COL25A1: variants seen among roughly 807,000 people sequenced by gnomAD.
COL25A1 encodes collagen type XXV alpha 1 chain, also known as collagen alpha-1(XXV) chain.
COL25A1 carries 103 observed loss-of-function variants against 128.4 expected under a neutral mutation model. That is an observed-to-expected ratio of 0.80 (90% CI 0.68 to 0.94). COL25A1 has a LOEUF of 0.94. COL25A1 is among the 40% of genes least tolerant of loss of function. The pLI, the probability that COL25A1 is intolerant of heterozygous loss-of-function variation, is 0.00. For missense variants in COL25A1, 745 were observed against 840.0 expected (o/e 0.89, Z 1.40); for synonymous variants, 279 against 277.2 (o/e 1.01, Z -0.06).
At chr4:109,283,094 C>T (rs1723536869) in intron 3 of COL25A1, among the ~76,000 whole-genome samples, 1 of 152,038 alleles carries the variant, frequency 6.6e-6, no homozygotes, top group Non-Finnish European at 1.5e-5. Context: ...AACTAAGCAG[C>T]ATTAAGTAGA....
At position 109,168,903 on chromosome 4, in the gene COL25A1, C is replaced by T. The variant is rs192572556; in HGVS notation, c.368-118724G>A. On this transcript the variant is annotated intron_variant, in intron 3 of 37. Transcript: ENST00000399132. ...CCATATTTGCCATTTTGCATCCACA[C>T]ATCGAGCAGCTTAGCATTTCTCTGG... 1.5e-3 allele frequency among the ~76,000 whole-genome samples: 233 copies of T among 152,252 alleles called. 2 individuals are homozygous for T. Among genetic ancestry groups the T allele is most frequent in the African/African-American group, 5.3e-3 (222 of 41,560 alleles).
chr4:108,887,389 T>C (rs1423350090), intron 18 of COL25A1, among the ~76,000 whole-genome samples: 1 of 152,162 alleles, frequency 6.6e-6, no homozygotes, highest in Non-Finnish European at 1.5e-5. Context: ...CTAATCTACA[T>C]CAGCAGCAAG....
At chr4:109,135,649 C>CT (rs33959697) in intron 3 of COL25A1, among the ~76,000 whole-genome samples, 71,988 of 151,412 alleles carry the variant, frequency 0.48, 19,605 homozygotes, top group African/African-American at 0.76. Context: ...TTAAATGGAG[C>CT]TTTTTTTTTC....
At chr4:108,934,699 G>C (rs1747199992) in intron 11 of COL25A1, among the ~76,000 whole-genome samples, 1 of 152,138 alleles carries the variant, frequency 6.6e-6, no homozygotes, top group African/African-American at 2.4e-5. Context: ...AGTTTGCTGA[G>C]GAGAAGAATT....
At chr4:108,984,305 A>G (rs1447003271) in intron 6 of COL25A1, among the ~76,000 whole-genome samples, 1 of 152,116 alleles carries the variant, frequency 6.6e-6, no homozygotes, top group Non-Finnish European at 1.5e-5. Context: ...TACCCACCAG[A>G]CTCAGGAGCC....
chr4:109,210,216 G>T (rs1258262439), intron 3 of COL25A1, among the ~76,000 whole-genome samples: 2 of 151,958 alleles, frequency 1.3e-5, no homozygotes, highest in African/African-American at 2.4e-5. Context: ...GCTCCTACTA[G>T]TATCAAAACA....
intron 24 of COL25A1, 88 bp from the exon 25 acceptor site, chr4:108,853,013 G>T: frequency 3.4e-6 from 4 of 1,192,444 alleles, no homozygotes; most frequent in South Asian, 2.7e-5. Context: ...TCAACTTTTT[G>T]AATATGTTTG....
intron 11 of COL25A1, among the ~76,000 whole-genome samples, chr4:108,927,851 A>G (rs891869672): frequency 6.6e-6 from 1 of 152,178 alleles, no homozygotes; most frequent in Non-Finnish European, 1.5e-5. Flanking sequence ...TCACCACTTG[A>G]CAAAACCAGA....
intron 5 of COL25A1, among the ~76,000 whole-genome samples, chr4:109,019,394 A>ATATATATATATATATATATATT (rs1457665171): frequency 2.1e-5 from 3 of 141,880 alleles, no homozygotes; most frequent in Non-Finnish European, 4.7e-5. Context: ...ATATATATAT[A>ATATATATATATATATATATATT]TATATTTATA....
chr4:109,100,860 T>C (rs768400577), intron 3 of COL25A1, among the ~76,000 whole-genome samples: 4 of 152,148 alleles, frequency 2.6e-5, no homozygotes, highest in East Asian at 3.8e-4. Context: ...CCGATTCCAA[T>C]TGCTTCATAA....
At position 108,925,725 on chromosome 4, in the gene COL25A1, ACCCTT is replaced by A. The variant is rs1462483055; in HGVS notation, c.709-5126_709-5122del. Reference sequence around the variant, plus strand: ...CAACACAGAAATGGCAGGATTTTTCACCCTTTTGTTCACCTGACTCATTCTAACAT... The same window carrying A: ...CAACACAGAAATGGCAGGATTTTTCATTGTTCACCTGACTCATTCTAACAT... On this transcript the variant is annotated intron_variant, in intron 11 of 37. Transcript: ENST00000399132. Among the ~76,000 whole-genome samples, 6 of 152,264 alleles carry A rather than the reference ACCCTT, an allele frequency of 3.9e-5. No individual in the cohort carries two copies. In the East Asian group the frequency reaches 7.7e-4, roughly 20 times the overall value.
At chr4:109,050,421 T>C (rs1236809073) in intron 3 of COL25A1, among the ~76,000 whole-genome samples, 1 of 152,108 alleles carries the variant, frequency 6.6e-6, no homozygotes, top group African/African-American at 2.4e-5. Context: ...AAACTAACGA[T>C]TGGGAATTTT....
intron 3 of COL25A1, among the ~76,000 whole-genome samples, chr4:109,190,064 A>C (rs1056876843): frequency 5.9e-5 from 9 of 152,190 alleles, no homozygotes; most frequent in Admixed American, 3.9e-4. Flanking sequence ...AAATATAATC[A>C]GTGATATGAA....
intron 8 of COL25A1, among the ~76,000 whole-genome samples, chr4:108,970,240 C>T (rs1196257876): frequency 6.6e-6 from 1 of 152,106 alleles, no homozygotes; most frequent in Non-Finnish European, 1.5e-5. Flanking sequence ...GTAATAAGCA[C>T]AGATAGTCTC....
chr4:108,838,037 C>T (rs1734007837), intron 31 of COL25A1: 1 of 1,153,472 alleles, frequency 8.7e-7, no homozygotes. Context: ...CCAGAGTTAT[C>T]ATGTAGGGTA....
At chr4:109,274,136 A>C (rs1376638970) in intron 3 of COL25A1, among the ~76,000 whole-genome samples, 1 of 152,282 alleles carries the variant, frequency 6.6e-6, no homozygotes, top group East Asian at 1.9e-4. Context: ...TTGTATATAC[A>C]TTGCATCATT....
chr4:109,011,102 A>G (rs963643858), intron 5 of COL25A1, among the ~76,000 whole-genome samples: 4 of 152,248 alleles, frequency 2.6e-5, no homozygotes, highest in African/African-American at 9.6e-5. Flanking sequence ...CTAAAGATCA[A>G]TCACCTGTGA....
chr4:109,039,631 G>A (rs1012526149), intron 5 of COL25A1, among the ~76,000 whole-genome samples: 14 of 152,146 alleles, frequency 9.2e-5, no homozygotes, highest in African/African-American at 3.4e-4. Flanking sequence ...AGATTGCTAT[G>A]TTTTTGTTTT....
intron 3 of COL25A1, among the ~76,000 whole-genome samples, chr4:109,208,483 T>TAAAAAAAAAA (rs199675745): frequency 7.2e-6 from 1 of 138,306 alleles, no homozygotes; most frequent in African/African-American, 2.7e-5. Context: ...TATCAGTTAA[T>TAAAAAAAAAA]AAAAAAAAAA....
Sources: allele counts gnomAD v4.1 joint callset (sites outside exome capture counted in the v4.1 genomes callset), GRCh38; gene constraint gnomAD v4.1.1; transcripts MANE v1.5; gene names NCBI Gene and HGNC (gene_info 2026-07-23, HGNC 2026-07-21).